Variants in PSMA1 observed in about 807,000 individuals in gnomAD.
PSMA1 encodes proteasome 20S subunit alpha 1, also known as proteasome subunit alpha type-1.
Under a neutral mutation model 38.4 loss-of-function variants are expected in PSMA1, and 3 were observed. The ratio of observed to expected loss-of-function variants is 0.08; its 90% CI spans 0.04 to 0.20. The LOEUF (loss-of-function observed/expected upper bound fraction) is 0.20, where lower values mean the gene tolerates loss of function less well. Ranked by LOEUF, PSMA1 falls within the 10% of genes least tolerant of loss-of-function variation. The pLI is 1.00. For synonymous variants in PSMA1, 101 were observed against 107.1 expected (o/e 0.94, Z 0.35); for missense variants, 227 against 325.3 (o/e 0.70, Z 2.32).
chr11:14,567,568 C>T (rs1852086746), intron 2 of PSMA1, among the ~76,000 whole-genome samples: 1 of 152,176 alleles, frequency 6.6e-6, no homozygotes, highest in Non-Finnish European at 1.5e-5. Flanking sequence ...GATTTGCCTA[C>T]TTGCCAAAAT....
intron 2 of PSMA1, among the ~76,000 whole-genome samples, chr11:14,580,589 T>C (rs1349383885): frequency 1.3e-5 from 2 of 152,246 alleles, no homozygotes; most frequent in African/African-American, 2.4e-5. Context: ...AACTGTGTCA[T>C]ACTCATCCCT....
At chr11:14,535,961 A>G (rs1851701980) in intron 2 of PSMA1, among the ~76,000 whole-genome samples, 1 of 152,136 alleles carries the variant, frequency 6.6e-6, no homozygotes, top group Non-Finnish European at 1.5e-5. Context: ...AGGAGTTGAA[A>G]GCCATTAAAA....
chr11:14,579,152 A>T (rs951535779), intron 2 of PSMA1, among the ~76,000 whole-genome samples: 1 of 152,236 alleles, frequency 6.6e-6, no homozygotes, highest in African/African-American at 2.4e-5. Context: ...TGCCATAACA[A>T]ATTGCTACAA....
intron 2 of PSMA1, among the ~76,000 whole-genome samples, chr11:14,571,955 A>G (rs1440980084): frequency 6.6e-6 from 1 of 152,238 alleles, no homozygotes; most frequent in Non-Finnish European, 1.5e-5. Flanking sequence ...ATTCAACAAG[A>G]AGAGCTAACT....
intron 2 of PSMA1, among the ~76,000 whole-genome samples, chr11:14,592,083 T>C (rs1852422991): frequency 6.6e-6 from 1 of 151,378 alleles, no homozygotes; most frequent in Non-Finnish European, 1.5e-5. Context: ...TGCGAAGGTC[T>C]GCAGCTTCAC....
chr11:14,505,306 A>T, intron 9 of PSMA1, 58 bp from the exon 10 acceptor site: 1 of 1,322,670 alleles, frequency 7.6e-7, no homozygotes, highest in Non-Finnish European at 1.1e-6. Context: ...CAATATACAC[A>T]TCTAATCACA....
chr11:14,614,523 G>T (rs1852747679), intron 1 of PSMA1, among the ~76,000 whole-genome samples: 1 of 151,824 alleles, frequency 6.6e-6, no homozygotes, highest in African/African-American at 2.4e-5. Context: ...TGATCCATAG[G>T]CATAATAAAC....
intron 2 of PSMA1, among the ~76,000 whole-genome samples, chr11:14,533,652 G>A (rs550026536): frequency 5.0e-4 from 75 of 150,478 alleles, no homozygotes; most frequent in African/African-American, 1.8e-3. Flanking sequence ...TCCTGGGCTC[G>A]AGCCATCTAC....
intron 7 of PSMA1, among the ~76,000 whole-genome samples, chr11:14,513,182 A>T (rs1425998685): frequency 6.6e-6 from 1 of 152,158 alleles, no homozygotes; most frequent in Admixed American, 6.5e-5. Flanking sequence ...ATGGACTACT[A>T]ATGCAGAAAT....
At chr11:14,631,472 G>A (rs1226352214) in intron 1 of PSMA1, among the ~76,000 whole-genome samples, 3 of 151,928 alleles carry the variant, frequency 2.0e-5, no homozygotes, top group African/African-American at 4.8e-5. Flanking sequence ...GTAGTTGAGC[G>A]GTTTTGAGTG....
intron 2 of PSMA1, among the ~76,000 whole-genome samples, chr11:14,587,537 C>T (rs575132030): frequency 6.6e-6 from 1 of 152,094 alleles, no homozygotes; most frequent in Non-Finnish European, 1.5e-5. Flanking sequence ...CATTCATCTG[C>T]ATAATGAATC....
chr11:14,555,414 TA>T (rs1282623506), intron 2 of PSMA1, among the ~76,000 whole-genome samples: 2 of 152,090 alleles, frequency 1.3e-5, no homozygotes, highest in Non-Finnish European at 2.9e-5. Flanking sequence ...TTTAGTCTTT[TA>T]AAAAATAGAA....
chr11:14,538,071 T>C (rs1851730536), intron 2 of PSMA1, among the ~76,000 whole-genome samples: 1 of 152,158 alleles, frequency 6.6e-6, no homozygotes, highest in Non-Finnish European at 1.5e-5. Context: ...TAAAAGTAAC[T>C]GAGGGGGTAT....
intron 2 of PSMA1, among the ~76,000 whole-genome samples, chr11:14,589,960 A>T (rs1351010298): frequency 2.0e-5 from 3 of 152,258 alleles, no homozygotes; most frequent in Non-Finnish European, 4.4e-5. Context: ...TCACTGATGG[A>T]TGAATGGATA....
chr11:14,624,596 T>C (rs1488704642), intron 1 of PSMA1, among the ~76,000 whole-genome samples: 1 of 152,154 alleles, frequency 6.6e-6, no homozygotes, highest in Non-Finnish European at 1.5e-5. Flanking sequence ...TTGAACTATA[T>C]GTTATAGATA....
chr11:14,628,104 G>A (rs553149583), intron 1 of PSMA1, among the ~76,000 whole-genome samples: 10 of 152,282 alleles, frequency 6.6e-5, no homozygotes, highest in East Asian at 1.9e-4. Flanking sequence ...TGTGAACTGC[G>A]CATGCAAGGG....
chr11:14,594,574 C>T (rs994314998), intron 2 of PSMA1, among the ~76,000 whole-genome samples: 3 of 152,116 alleles, frequency 2.0e-5, no homozygotes, highest in Admixed American at 6.5e-5. Context: ...TTCTGTTAAT[C>T]AAAATTGTAG....
At chr11:14,643,008 T>C (rs1232547534) in intron 1 of PSMA1, among the ~76,000 whole-genome samples, 2 of 151,922 alleles carry the variant, frequency 1.3e-5, no homozygotes, top group Admixed American at 6.5e-5. Context: ...GGGATACAAG[T>C]TGTGAACCGG....
chr11:14,579,603 A>T (rs989053991), intron 2 of PSMA1, among the ~76,000 whole-genome samples: 2 of 150,410 alleles, frequency 1.3e-5, no homozygotes, highest in Non-Finnish European at 2.9e-5. Context: ...TGTCACTATT[A>T]TAATATAAAT....
Sources: gnomAD v4.1 joint callset for allele counts (sites outside exome capture counted in the v4.1 genomes callset) on GRCh38, gnomAD v4.1.1 for gene constraint, MANE v1.5 for transcripts, NCBI Gene and HGNC (gene_info 2026-07-23, HGNC 2026-07-21) for gene names.